The following GAP43 variants were observed in gnomAD, a reference collection of about 807,000 sequenced individuals.
GAP43 encodes neuromodulin.
Under a neutral mutation model 18.6 loss-of-function variants are expected in GAP43, and 6 were observed. The observed-to-expected ratio is 0.32, with a 90% confidence interval of 0.18 to 0.64. The LOEUF is 0.64. Among genes scored for constraint, GAP43 ranks in the 30% least tolerant of loss-of-function variants. The probability of loss-of-function intolerance (pLI) is 0.78; values close to 1 mark genes in which losing one functional copy is unlikely to be tolerated. For missense variants in GAP43, 292 were observed against 295.5 expected, an observed-to-expected ratio of 0.99 and a Z score of 0.09; for synonymous variants, 115 against 111.4, an observed-to-expected ratio of 1.03 and a Z score of -0.20.
chr3:115,687,689 T>C (rs1709052718), intron 2 of GAP43, among the ~76,000 whole-genome samples: 1 of 152,212 alleles, frequency 6.6e-6, no homozygotes, highest in Admixed American at 6.5e-5. Context: ...ATTGGGGTCC[T>C]ATCTCGCAAT....
intron 2 of GAP43, among the ~76,000 whole-genome samples, chr3:115,707,752 T>C (rs1034677665): frequency 2.6e-5 from 4 of 152,156 alleles, no homozygotes; most frequent in African/African-American, 9.7e-5. Flanking sequence ...AGGTATAAAA[T>C]TAAAGTTAGC....
rs563735804 is a variant in GAP43 at position 115,649,960 on chromosome 3, C to T, written c.31-26053C>T. 7.9e-5 allele frequency among the ~76,000 whole-genome samples: 12 copies of T among 152,210 alleles called. No homozygotes were observed. The South Asian group carries it at 2.5e-3, about 32-fold the overall frequency. Reference sequence around the variant, plus strand: ...AAAGAAAAACCTTCAGGGGAGTTTACTAACTGACAGGAATGAATTAGACAG... The same window carrying T: ...AAAGAAAAACCTTCAGGGGAGTTTATTAACTGACAGGAATGAATTAGACAG... On this transcript the variant is annotated intron_variant, in intron 1 of 2. Coordinates refer to ENST00000305124, the MANE Select transcript of GAP43 (RefSeq NM_002045.4).
intron 2 of GAP43, among the ~76,000 whole-genome samples, chr3:115,689,630 G>C (rs577122683): frequency 4.6e-5 from 7 of 152,270 alleles, no homozygotes; most frequent in South Asian, 2.1e-4. Flanking sequence ...GAGTCTGAAT[G>C]AGGATATTTG....
chr3:115,697,771 T>G (rs896608254), intron 2 of GAP43, among the ~76,000 whole-genome samples: 5 of 151,960 alleles, frequency 3.3e-5, no homozygotes, highest in African/African-American at 1.2e-4. Flanking sequence ...ATCAAAGTCA[T>G]AGAAACTTTA....
intron 2 of GAP43, among the ~76,000 whole-genome samples, chr3:115,716,616 CT>C (rs1395290491): frequency 2.0e-5 from 3 of 149,630 alleles, no homozygotes; most frequent in African/African-American, 2.5e-5. Flanking sequence ...ACTTGACCCA[CT>C]TTTTTTTCTG....
intron 2 of GAP43, among the ~76,000 whole-genome samples, chr3:115,678,456 A>T (rs1171730112): frequency 6.6e-6 from 1 of 152,104 alleles, no homozygotes; most frequent in Non-Finnish European, 1.5e-5. Flanking sequence ...AAAGAAATTA[A>T]GTTTTATTAT....
chr3:115,675,931 A>C, intron 1 of GAP43, 82 bp from the exon 2 acceptor site: 6 of 1,519,660 alleles, frequency 3.9e-6, no homozygotes, highest in Non-Finnish European at 5.3e-6. Flanking sequence ...TAAATCACTT[A>C]ATAAATACTT....
intron 2 of GAP43, among the ~76,000 whole-genome samples, chr3:115,710,482 T>C (rs1488337298): frequency 6.6e-6 from 1 of 152,180 alleles, no homozygotes; most frequent in East Asian, 1.9e-4. Context: ...TTCTGATTCA[T>C]TGATCAGTAT....
rs994397894 is a variant in GAP43, at chr3:115,666,000, G to T, written c.31-10013G>T. On this transcript the variant is annotated intron_variant, in intron 1 of 2. Transcript: ENST00000305124. ...ATAGTGGCTAAATGAGTGTGTGTGTGTGTGTGTGTGTGTGTGTGTGTGTGT... is the reference window on the plus strand; with the variant it reads ...ATAGTGGCTAAATGAGTGTGTGTGTTTGTGTGTGTGTGTGTGTGTGTGTGT... 1.6e-3 allele frequency among the ~76,000 whole-genome samples: 227 copies of T among 138,728 alleles called. 1 individual carries two copies. The highest frequency in any genetic ancestry group is 1.6e-3 in the Non-Finnish European group (110 of 67,182). The allele number at this position is 138,728 out of a possible 152,430, so 91.0% of individuals were successfully genotyped here.
At chr3:115,689,069 C>G (rs374462572) in intron 2 of GAP43, among the ~76,000 whole-genome samples, 1 of 152,166 alleles carries the variant, frequency 6.6e-6, no homozygotes, top group African/African-American at 2.4e-5. Context: ...TGCTTTCTCC[C>G]TTGAGCTTCC....
intron 1 of GAP43, among the ~76,000 whole-genome samples, chr3:115,669,983 TA>T (rs1708794434): frequency 1.7e-5 from 2 of 119,134 alleles, no homozygotes; most frequent in African/African-American, 3.7e-5. Context: ...TTTTTTTTTT[TA>T]ATTTTTTTTT....
At chr3:115,714,870 C>T (rs949924479) in intron 2 of GAP43, among the ~76,000 whole-genome samples, 54 of 133,142 alleles carry the variant, frequency 4.1e-4, no homozygotes, top group African/African-American at 1.3e-3. Context: ...CACGTGTGCG[C>T]GTGCACACAC....
chr3:115,656,555 T>C (rs1397728135), intron 1 of GAP43, among the ~76,000 whole-genome samples: 1 of 152,196 alleles, frequency 6.6e-6, no homozygotes, highest in Non-Finnish European at 1.5e-5. Context: ...GAGGACTTTT[T>C]CTGCTAATCT....
At chr3:115,655,575 A>G (rs1300960633) in intron 1 of GAP43, among the ~76,000 whole-genome samples, 1 of 152,184 alleles carries the variant, frequency 6.6e-6, no homozygotes, top group East Asian at 1.9e-4. Context: ...TGTACAGAAT[A>G]TTATATACAG....
chr3:115,666,366 C>G (rs1303542598), intron 1 of GAP43, among the ~76,000 whole-genome samples: 1 of 152,042 alleles, frequency 6.6e-6, no homozygotes, highest in Non-Finnish European at 1.5e-5. Context: ...GCTTTTCCAC[C>G]CTCTGAGTGA....
rs189026679 is a variant in GAP43, at chr3:115,637,080, A to C, written c.30+13361A>C. On this transcript the variant is annotated intron_variant, in intron 1 of 2. Transcript: ENST00000305124. ...TTGCCTAAACTCCGGGCCCTGAATCAAGACTTATCTCATTTGTGAGGGCTT... is the reference window on the plus strand; with the variant it reads ...TTGCCTAAACTCCGGGCCCTGAATCCAGACTTATCTCATTTGTGAGGGCTT... Among the ~76,000 whole-genome samples the C allele has an allele frequency of 5.6e-4, 85 of 152,142 alleles. 2 individuals carry two copies. The highest frequency in any genetic ancestry group is 5.4e-3 in the Admixed American group (82 of 15,264).
intron 1 of GAP43, among the ~76,000 whole-genome samples, chr3:115,635,370 G>C (rs978551726): frequency 6.6e-6 from 1 of 152,020 alleles, no homozygotes; most frequent in Non-Finnish European, 1.5e-5. Flanking sequence ...CCATAATGTT[G>C]GACAATTAAC....
chr3:115,693,147 CAT>C (rs1430566776), intron 2 of GAP43, among the ~76,000 whole-genome samples: 1 of 152,158 alleles, frequency 6.6e-6, no homozygotes, highest in Non-Finnish European at 1.5e-5. Flanking sequence ...GTCTTTTCAA[CAT>C]AGAGATGGAG....
intron 1 of GAP43, among the ~76,000 whole-genome samples, chr3:115,647,096 G>A (rs369486073): frequency 1.4e-4 from 21 of 151,960 alleles, no homozygotes; most frequent in Admixed American, 2.0e-4. Flanking sequence ...TTAGGAGGTG[G>A]GGCCTTTGGA....
Sources: gnomAD v4.1 joint callset for allele counts (sites outside exome capture counted in the v4.1 genomes callset) on GRCh38, gnomAD v4.1.1 for gene constraint, MANE v1.5 for transcripts, NCBI Gene and HGNC (gene_info 2026-07-23, HGNC 2026-07-21) for gene names.